The following CFAP61 variants were observed in gnomAD, a reference collection of about 807,000 sequenced individuals.
The protein encoded by CFAP61 is cilia and flagella associated protein 61.
Under a neutral mutation model 135.6 loss-of-function variants are expected in CFAP61, and 107 were observed. That is an observed-to-expected ratio of 0.79 (90% confidence interval 0.67 to 0.93). The LOEUF is 0.93. CFAP61 is among the 40% of genes least tolerant of loss of function. The pLI, the probability that CFAP61 is intolerant of heterozygous loss-of-function variation, is 0.00. For synonymous variants in CFAP61, 575 were observed against 578.5 expected, an observed-to-expected ratio of 0.99 and a Z score of 0.09; for missense variants, 1,507 against 1,556.2, an observed-to-expected ratio of 0.97 and a Z score of 0.53.
At chr20:20,278,632 G>C (rs1340028652) in intron 22 of CFAP61, among the ~76,000 whole-genome samples, 1 of 152,134 alleles carries the variant, frequency 6.6e-6, no homozygotes, top group Admixed American at 6.5e-5. Context: ...CCTAGGAGTG[G>C]GGGGTGATCA....
intron 8 of CFAP61, among the ~76,000 whole-genome samples, chr20:20,106,759 C>A (rs2048437638): frequency 6.6e-6 from 1 of 152,130 alleles, no homozygotes; most frequent in Admixed American, 6.5e-5. Flanking sequence ...TTTATTTGTT[C>A]TCTCTGGTGA....
Position 20,289,030 on chromosome 20 carries a change from G to GA in CFAP61, c.3124+98dup, listed in dbSNP as rs2054806452. 7.3e-6 allele frequency: 7 copies of GA among 958,244 alleles called. No homozygotes were observed. The East Asian group carries it at 1.6e-4, about 22-fold the overall frequency. 59.4% of individuals were successfully genotyped at this position (958,244 alleles called of 1,614,324 possible). On this transcript the variant is annotated intron_variant, in intron 23 of 26. Transcript: ENST00000245957. ...CCTCCAGGTTTCTCTTAGGCTTGGG[G>GA]AAAAGGCTCCTCCGTACCTCAATGG... is the stretch of plus-strand genomic sequence containing the variant.
At chr20:20,253,521 G>T in intron 20 of CFAP61, 1 of 451,370 alleles carries the variant, frequency 2.2e-6, no homozygotes, top group South Asian at 1.7e-5. Flanking sequence ...TCAATGACCA[G>T]AGAATCTACA....
chr20:20,197,727 G>C (rs2056388727), intron 16 of CFAP61, among the ~76,000 whole-genome samples: 1 of 151,898 alleles, frequency 6.6e-6, no homozygotes, highest in Non-Finnish European at 1.5e-5. Flanking sequence ...TTTTTTTCCT[G>C]AAAATTGGTC....
chr20:20,228,841 A>G (rs1228172136), intron 18 of CFAP61, among the ~76,000 whole-genome samples: 1 of 152,218 alleles, frequency 6.6e-6, no homozygotes, highest in Admixed American at 6.5e-5. Context: ...TTAAAGATGT[A>G]GATTCCAAGA....
At chr20:20,134,200 A>T (rs533653203) in intron 8 of CFAP61, among the ~76,000 whole-genome samples, 1 of 152,250 alleles carries the variant, frequency 6.6e-6, no homozygotes, top group Non-Finnish European at 1.5e-5. Context: ...TAGCCTCCAC[A>T]TAGACTTCAT....
At chr20:20,063,593 CAT>C (rs2044991608) in intron 2 of CFAP61, among the ~76,000 whole-genome samples, 1 of 152,116 alleles carries the variant, frequency 6.6e-6, no homozygotes, top group South Asian at 2.1e-4. Context: ...AGATGACTCT[CAT>C]ATGTATACAA....
chr20:20,206,021 A>G (rs2056844095), intron 17 of CFAP61, among the ~76,000 whole-genome samples: 1 of 152,004 alleles, frequency 6.6e-6, no homozygotes, highest in African/African-American at 2.4e-5. Flanking sequence ...GAGGGAAGAG[A>G]CAGGATGTGA....
intron 19 of CFAP61, among the ~76,000 whole-genome samples, chr20:20,248,896 T>A (rs2050670624): frequency 6.6e-6 from 1 of 152,234 alleles, no homozygotes; most frequent in South Asian, 2.1e-4. Flanking sequence ...TTTTGCTTTT[T>A]GTTTTTCTCC....
At chr20:20,267,853 T>TC (rs2052914037) in intron 21 of CFAP61, 1 of 152,180 alleles carries the variant, frequency 6.6e-6, no homozygotes. Flanking sequence ...GCCAGGCTCC[T>TC]CCCCACTGCA....
At chr20:20,260,364 G>A (rs956493840) in intron 20 of CFAP61, among the ~76,000 whole-genome samples, 2 of 152,194 alleles carry the variant, frequency 1.3e-5, no homozygotes, top group Non-Finnish European at 2.9e-5. Context: ...CACAGTAAAT[G>A]ATGAACTGAT....
At chr20:20,202,213 T>C (rs2056657626) in intron 17 of CFAP61, among the ~76,000 whole-genome samples, 1 of 152,178 alleles carries the variant, frequency 6.6e-6, no homozygotes, top group Non-Finnish European at 1.5e-5. Flanking sequence ...CCAAGATGTA[T>C]TGTTGAAACC....
intron 2 of CFAP61, among the ~76,000 whole-genome samples, chr20:20,064,663 A>G (rs746060415): frequency 2.6e-5 from 4 of 152,144 alleles, no homozygotes; most frequent in Non-Finnish European, 5.9e-5. Flanking sequence ...TCCATTTAGT[A>G]TTTTCTAACT....
At chr20:20,270,606 AG>A (rs139759897) in intron 21 of CFAP61, among the ~76,000 whole-genome samples, 1,740 of 152,104 alleles carry the variant, frequency 0.011, 38 homozygotes, top group African/African-American at 0.041. Context: ...TTTAGGAACC[AG>A]GATGATGAAA....
intron 11 of CFAP61, among the ~76,000 whole-genome samples, chr20:20,165,038 C>T (rs899400600): frequency 5.3e-5 from 8 of 152,152 alleles, no homozygotes; most frequent in East Asian, 1.9e-4. Context: ...TCCCACAACA[C>T]GTGGGAATTA....
intron 21 of CFAP61, among the ~76,000 whole-genome samples, chr20:20,264,523 C>A (rs986241343): frequency 6.6e-6 from 1 of 152,140 alleles, no homozygotes; most frequent in African/African-American, 2.4e-5. Context: ...CCTGTTTTAG[C>A]CTTTTAGTCA....
At chr20:20,348,882 T>A (rs1328663672) in intron 26 of CFAP61, among the ~76,000 whole-genome samples, 1 of 151,620 alleles carries the variant, frequency 6.6e-6, no homozygotes, top group East Asian at 1.9e-4. Context: ...CAGATAACAT[T>A]ACACTCAGTA....
At chr20:20,187,453 G>A (rs2146865892) in intron 13 of CFAP61, among the ~76,000 whole-genome samples, 2 of 152,282 alleles carry the variant, frequency 1.3e-5, no homozygotes, top group Admixed American at 1.3e-4. Context: ...AAAGCATGAA[G>A]TCAAAGATAA....
At chr20:20,133,493 A>G (rs953170471) in intron 8 of CFAP61, among the ~76,000 whole-genome samples, 3 of 152,186 alleles carry the variant, frequency 2.0e-5, no homozygotes, top group Non-Finnish European at 4.4e-5. Context: ...AACACATGCC[A>G]CTTGTCCAAG....
Sources: gnomAD v4.1 joint callset for allele counts (sites outside exome capture counted in the v4.1 genomes callset) on GRCh38, gnomAD v4.1.1 for gene constraint, MANE v1.5 for transcripts, NCBI Gene and HGNC (gene_info 2026-07-23, HGNC 2026-07-21) for gene names.